The following PTOV1 variants were observed in gnomAD, a reference collection of about 807,000 sequenced individuals.
PTOV1 encodes prostate tumor-overexpressed gene 1 protein.
In PTOV1, 20 loss-of-function variants were observed where a neutral mutation model predicts 58.0. That is an observed-to-expected ratio of 0.34 (90% CI 0.24 to 0.50). The LOEUF (loss-of-function observed/expected upper bound fraction) is 0.50. PTOV1 is among the 20% of genes least tolerant of loss of function. PTOV1 has a pLI of 0.98. For missense variants in PTOV1, 593 were observed against 565.4 expected (o/e 1.05, Z -0.50); for synonymous variants, 335 against 234.2 (o/e 1.43, Z -3.93).
intron 9 of PTOV1, 85 bp from the exon 10 acceptor site, chr19:49,858,458 TTGGTCC>T: frequency 9.8e-7 from 1 of 1,021,106 alleles, no homozygotes; most frequent in Non-Finnish European, 1.5e-6. Context: ...GAGTCTCAGT[TTGGTCC>T]TGGGCCCGGG....
chr19:49,854,528 C>T (rs1441687082), exon 2 of PTOV1: 2 of 1,613,118 alleles, frequency 1.2e-6, no homozygotes, highest in Non-Finnish European at 1.7e-6. Context: ...GGAGCGGCGT[C>T]CTCGAGTGGC....
At chr19:49,856,203 T>A (rs2074457116) in intron 5 of PTOV1, 2 of 152,164 alleles carry the variant, frequency 1.3e-5, no homozygotes, top group African/African-American at 4.8e-5. Flanking sequence ...GGGCCCCGAG[T>A]ACCCAGTCTG....
intron 1 of PTOV1, chr19:49,853,024 C>G (rs1568637197): frequency 6.6e-6 from 1 of 152,036 alleles, no homozygotes; most frequent in Non-Finnish European, 1.5e-5. Context: ...GACGACTGCC[C>G]AAAAGTCAGA....
In PTOV1 at chr19:49,857,314, G is replaced by A. The variant is rs537564723; in HGVS notation, c.714+184G>A. Reference sequence around the variant, plus strand: ...CTCCATGGAAAAGCGGCCACTGGGCGGCTCTGCAGGGCTGGAGGGTGGGTC... The same window carrying A: ...CTCCATGGAAAAGCGGCCACTGGGCAGCTCTGCAGGGCTGGAGGGTGGGTC... On this transcript the variant is annotated intron_variant, in intron 6 of 11. Coordinates refer to ENST00000391842, the Ensembl canonical transcript of PTOV1. 2.1e-5 allele frequency: 17 copies of A among 799,438 alleles called. 1 individual carries two copies. Among genetic ancestry groups the A allele is most frequent in the South Asian group, 1.7e-4 (10 of 57,926 alleles). The allele number at this position is 799,438 out of a possible 1,614,324, so 49.5% of individuals were successfully genotyped here.
At chr19:49,855,885 C>G (rs1051993583) in intron 5 of PTOV1, among the ~76,000 whole-genome samples, 1 of 151,890 alleles carries the variant, frequency 6.6e-6, no homozygotes, top group Non-Finnish European at 1.5e-5. Context: ...GAGATTCTGG[C>G]GCAGGGCAGG....
chr19:49,858,237 CTGAAGCAGG>C, intron 9 of PTOV1, 123 bp downstream of exon 9: 1 of 1,266,440 alleles, frequency 7.9e-7, no homozygotes, highest in Non-Finnish European at 1.1e-6. Context: ...GCTGAGGGTG[CTGAAGCAGG>C]TGTGGTGGGT....
upstream of PTOV1, chr19:49,850,770 G>A (rs905888888): frequency 1.5e-6 from 2 of 1,361,722 alleles, no homozygotes; most frequent in African/African-American, 1.5e-5. Context: ...CGTACCCTCA[G>A]TGGGTTCCCT....
At chr19:49,852,226 G>T (rs1301298832) in intron 1 of PTOV1, 6 of 309,762 alleles carry the variant, frequency 1.9e-5, no homozygotes, top group Non-Finnish European at 2.4e-5. Flanking sequence ...GCTCGGGTCC[G>T]CTTCTTAAAT....
At chr19:49,855,119 A>T (rs1174181058) in intron 5 of PTOV1, 42 bp downstream of exon 5, 1 of 1,516,458 alleles carries the variant, frequency 6.6e-7, no homozygotes, top group Admixed American at 1.9e-5. Context: ...GGTGACAAGT[A>T]CAGCTGGAGG....
upstream of PTOV1, chr19:49,850,857 G>A: frequency 6.5e-7 from 1 of 1,535,368 alleles, no homozygotes; most frequent in Non-Finnish European, 8.7e-7. Context: ...GCGGTCTCCT[G>A]GCTCTGCGGG....
chr19:49,854,529 C>G, exon 2 of PTOV1: 5 of 1,613,086 alleles, frequency 3.1e-6, no homozygotes, highest in Non-Finnish European at 4.2e-6. Flanking sequence ...GAGCGGCGTC[C>G]TCGAGTGGCA....
At chr19:49,858,157 T>C in intron 9 of PTOV1, 43 bp downstream of exon 9, 1 of 1,602,806 alleles carries the variant, frequency 6.2e-7, no homozygotes, top group Non-Finnish European at 8.5e-7. Flanking sequence ...ACGCAGTAGC[T>C]CTTCCAGAGG....
intron 1 of PTOV1, chr19:49,852,139 TG>T (rs1337642272): frequency 2.2e-5 from 21 of 933,762 alleles, no homozygotes; most frequent in Admixed American, 1.8e-4. Flanking sequence ...AAGGTTTACC[TG>T]GGGCTGTAAA....
At chr19:49,859,238 G>C (rs1249656705) in intron 10 of PTOV1, 1 of 153,064 alleles carries the variant, frequency 6.5e-6, no homozygotes, top group African/African-American at 2.4e-5. Flanking sequence ...TGTCCACGAA[G>C]CTGTTCGTGG....
intron 5 of PTOV1, chr19:49,856,633 C>T (rs766344161): frequency 5.8e-5 from 18 of 309,808 alleles, no homozygotes; most frequent in Middle Eastern, 1.1e-3. Context: ...AACGGTGGGG[C>T]GCTGCCTGTG....
chr19:49,854,454 CCTGGGCTCACCCT>C lies in PTOV1; in HGVS notation c.222_234del (p.Leu76ValfsTer4). 6.2e-7 allele frequency: 1 copy of C among 1,612,336 alleles called. No homozygotes were observed. ...ACTGGGTCCCATCGGTCCCTCCTCACCTGGGCTCACCCTCGGGGGTCTGGCCGTGAGCGAGCAC... is the reference window on the plus strand; with the variant it reads ...ACTGGGTCCCATCGGTCCCTCCTCACCGGGGGTCTGGCCGTGAGCGAGCAC... On this transcript the variant is annotated frameshift_variant, in exon 2 of 12. Transcript: ENST00000391842. LOFTEE classifies it high-confidence loss of function.
chr19:49,854,294 A>G, intron 1 of PTOV1, 112 bp from the exon 2 acceptor site: 5 of 1,419,062 alleles, frequency 3.5e-6, no homozygotes, highest in Non-Finnish European at 4.8e-6. Context: ...GTGGGCTTCC[A>G]GCAGGGGATT....
At position 49,854,369 on chromosome 19, in the gene PTOV1, G is replaced by A. The variant is rs777897327; in HGVS notation, c.172-37G>A. On this transcript the variant is annotated intron_variant, in intron 1 of 11. Transcript: ENST00000391842. ...GGACTGCCTGTCCTTGCAGGCCCCG[G>A]CCTCAGTTTTCCCACCTATCCCCCA... is the stretch of plus-strand genomic sequence containing the variant. 12 of 1,585,950 alleles carry A rather than the reference G, an allele frequency of 7.6e-6. 1 individual carries two copies. In the East Asian group the frequency reaches 2.7e-4, roughly 36 times the overall value.
exon 6 of PTOV1, chr19:49,857,121 C>T: frequency 6.2e-7 from 1 of 1,614,042 alleles, no homozygotes; most frequent in South Asian, 1.1e-5. Context: ...TCATCACCAC[C>T]CGCAAGCAGG....
Sources: gnomAD v4.1 joint callset for allele counts (sites outside exome capture counted in the v4.1 genomes callset) on GRCh38, gnomAD v4.1.1 for gene constraint, MANE v1.5 for transcripts, NCBI Gene and HGNC (gene_info 2026-07-23, HGNC 2026-07-21) for gene names.